Variants in MITF observed in about 807,000 individuals in gnomAD.
MITF encodes the protein melanocyte inducing transcription factor, also known as microphthalmia-associated transcription factor.
In MITF, 17 loss-of-function variants were observed where a neutral mutation model predicts 60.5. That is an observed-to-expected ratio of 0.28 (90% confidence interval 0.19 to 0.42). The LOEUF is 0.42. MITF is among the 10% of genes least tolerant of loss of function. MITF has a pLI of 1.00. For missense variants in MITF, 622 were observed against 683.5 expected (o/e 0.91, Z 1.00); for synonymous variants, 260 against 248.5 (o/e 1.05, Z -0.43).
chr3:69,921,877 G>A (rs2065474841), intron 2 of MITF, among the ~76,000 whole-genome samples: 1 of 152,180 alleles, frequency 6.6e-6, no homozygotes, highest in Non-Finnish European at 1.5e-5. Flanking sequence ...TGTTTTGAAA[G>A]GCTGTCTTGT....
At position 69,941,230 on chromosome 3, in the gene MITF, C is replaced by T. The variant is rs1226512136; in HGVS notation, c.667-6C>T. On this transcript the variant is annotated splice_region_variant and splice_polypyrimidine_tract_variant and intron_variant, in intron 4 of 9. Transcript: ENST00000352241. ...TGTCTCTCTTCTCTTACCCTTTTTC[C>T]TACAGATGGATGATGTAATCGATGA... 3 of 1,592,558 alleles carry T rather than the reference C, an allele frequency of 1.9e-6. No individual in the cohort carries two copies. The highest frequency in any genetic ancestry group is 4.5e-5 in the East Asian group (2 of 44,628).
At chr3:69,942,252 A>G (rs1297222282) in intron 5 of MITF, among the ~76,000 whole-genome samples, 1 of 152,160 alleles carries the variant, frequency 6.6e-6, no homozygotes, top group African/African-American at 2.4e-5. Flanking sequence ...GATCTGTTTG[A>G]TAACAATGTG....
intron 2 of MITF, among the ~76,000 whole-genome samples, chr3:69,931,103 C>T (rs2065713211): frequency 6.6e-6 from 1 of 152,138 alleles, no homozygotes; most frequent in African/African-American, 2.4e-5. Context: ...ACATATCTTT[C>T]TTACTTTTAC....
intron 1 of MITF, among the ~76,000 whole-genome samples, chr3:69,740,006 C>G (rs1222908256): frequency 6.6e-6 from 1 of 151,978 alleles, no homozygotes; most frequent in African/African-American, 2.4e-5. Flanking sequence ...GGCTGGGGAG[C>G]GACCTGGCGC....
intron 1 of MITF, among the ~76,000 whole-genome samples, chr3:69,767,520 G>A (rs1357608897): frequency 6.6e-6 from 1 of 152,112 alleles, no homozygotes; most frequent in Non-Finnish European, 1.5e-5. Flanking sequence ...GGGAGGTGGA[G>A]GTTGCAGTCA....
chr3:69,936,566 A>G (rs1049773573), intron 2 of MITF: 23 of 1,483,678 alleles, frequency 1.6e-5, no homozygotes, highest in Non-Finnish European at 2.0e-5. Flanking sequence ...GGTTATTATA[A>G]GCAGGGCTTC....
chr3:69,772,818 T>A (rs1442086286), intron 1 of MITF, among the ~76,000 whole-genome samples: 3 of 152,184 alleles, frequency 2.0e-5, no homozygotes, highest in Non-Finnish European at 4.4e-5. Context: ...TACACCCACT[T>A]ATTGAGCTAA....
intron 1 of MITF, among the ~76,000 whole-genome samples, chr3:69,842,942 C>T (rs763508942): frequency 1.3e-5 from 2 of 152,118 alleles, no homozygotes; most frequent in African/African-American, 2.4e-5. Flanking sequence ...GAGTTTCGGT[C>T]CTACCTACAT....
intron 1 of MITF, chr3:69,866,198 C>G (rs185457737): frequency 8.9e-6 from 14 of 1,581,354 alleles, no homozygotes; most frequent in African/African-American, 1.4e-5. Context: ...AGGGCCTTAT[C>G]AGGAGCCACC....
intron 1 of MITF, among the ~76,000 whole-genome samples, chr3:69,853,058 G>T (rs1050975085): frequency 2.0e-5 from 3 of 152,082 alleles, no homozygotes; most frequent in African/African-American, 4.8e-5. Flanking sequence ...TTCATTCATT[G>T]TATAGTGATG....
At chr3:69,839,004 T>C (rs912924765) in intron 1 of MITF, among the ~76,000 whole-genome samples, 5 of 152,234 alleles carry the variant, frequency 3.3e-5, no homozygotes, top group African/African-American at 9.6e-5. Context: ...TGCTTGTTTA[T>C]GACCTTAAAA....
intron 2 of MITF, among the ~76,000 whole-genome samples, 175 bp downstream of exon 2, chr3:69,879,558 G>A (rs906079081): frequency 3.9e-5 from 6 of 152,152 alleles, no homozygotes; most frequent in African/African-American, 1.2e-4. Flanking sequence ...GGATGCAAAC[G>A]CATTGTAACT....
intron 2 of MITF, among the ~76,000 whole-genome samples, chr3:69,897,514 A>G (rs570165392): frequency 9.8e-5 from 15 of 152,304 alleles, no homozygotes; most frequent in Non-Finnish European, 2.1e-4. Context: ...CTTTTTTGGT[A>G]AAGTTTTATT....
At chr3:69,870,266 A>T (rs1309424089) in intron 1 of MITF, among the ~76,000 whole-genome samples, 1 of 149,064 alleles carries the variant, frequency 6.7e-6, no homozygotes, top group Non-Finnish European at 1.5e-5. Context: ...GGATACACAC[A>T]CACACACACA....
rs559225294 is a variant in MITF at position 69,739,977 on chromosome 3, G to C, written c.104+276G>C. 2.6e-5 allele frequency among the ~76,000 whole-genome samples: 4 copies of C among 152,270 alleles called. No homozygotes were observed. The South Asian group carries it at 8.3e-4, about 32-fold the overall frequency. ...CGGGGACCCTCGGCCGAGGATGCCA[G>C]CTGCTGAGACTGATTGGGGGCTGGG... On this transcript the variant is annotated intron_variant, in intron 1 of 9. Coordinates refer to ENST00000352241, the MANE Select transcript of MITF (RefSeq NM_001354604.2).
At chr3:69,929,923 G>T (rs1489329760) in intron 2 of MITF, among the ~76,000 whole-genome samples, 1 of 152,120 alleles carries the variant, frequency 6.6e-6, no homozygotes, top group African/African-American at 2.4e-5. Flanking sequence ...TGAAAGAAAG[G>T]AGTCAAAGAT....
At chr3:69,959,502 G>A in intron 9 of MITF, 82 bp downstream of exon 9, 2 of 1,535,416 alleles carry the variant, frequency 1.3e-6, no homozygotes, top group South Asian at 2.3e-5. Context: ...GAGCCATAGG[G>A]GAGTTGACTT....
intron 9 of MITF, among the ~76,000 whole-genome samples, chr3:69,963,593 G>A (rs112379503): frequency 6.6e-6 from 1 of 152,144 alleles, no homozygotes; most frequent in Admixed American, 6.5e-5. Context: ...AACTGGATGT[G>A]TGTGTCTGTT....
At chr3:69,930,944 A>C (rs1430571356) in intron 2 of MITF, among the ~76,000 whole-genome samples, 1 of 152,248 alleles carries the variant, frequency 6.6e-6, no homozygotes, top group Non-Finnish European at 1.5e-5. Context: ...AAAACAATCA[A>C]AATCAAATAT....
Sources: gnomAD v4.1 joint callset for allele counts (sites outside exome capture counted in the v4.1 genomes callset) on GRCh38, gnomAD v4.1.1 for gene constraint, MANE v1.5 for transcripts, NCBI Gene and HGNC (gene_info 2026-07-23, HGNC 2026-07-21) for gene names.